FAM178B: variants seen among roughly 807,000 people sequenced by gnomAD.
FAM178B encodes the protein family with sequence similarity 178 member B.
A neutral mutation model predicts 91.7 loss-of-function variants in FAM178B; 82 were observed. The observed-to-expected ratio is 0.89, with a 90% CI of 0.75 to 1.07. The LOEUF is 1.07. Ranked by LOEUF, FAM178B falls within the 50% of genes least tolerant of loss-of-function variation. FAM178B has a pLI of 0.00. For missense variants in FAM178B, 769 were observed against 846.7 expected, an observed-to-expected ratio of 0.91 and a Z score of 1.14; for synonymous variants, 368 against 359.4, an observed-to-expected ratio of 1.02 and a Z score of -0.27.
At chr2:96,927,537 C>T (rs1445892276) in intron 9 of FAM178B, among the ~76,000 whole-genome samples, 1 of 152,216 alleles carries the variant, frequency 6.6e-6, no homozygotes, top group African/African-American at 2.4e-5. Flanking sequence ...TGCTTTCCTC[C>T]CACACAAGGC....
At chr2:96,889,362 C>G (rs915724897) in intron 14 of FAM178B, among the ~76,000 whole-genome samples, 2 of 152,058 alleles carry the variant, frequency 1.3e-5, no homozygotes, top group Admixed American at 1.3e-4. Flanking sequence ...AGGGGAAAAA[C>G]AGAATTAAAA....
rs372100382 is a variant in FAM178B, at chr2:96,903,241, A to G, written c.1563-534T>C. ...TTTTTAGTAGAGACAGGGTTTCACC[A>G]TGTTAGCCAGGATAGTCTCGATCTC... On this transcript the variant is annotated intron_variant, in intron 12 of 16. Coordinates refer to ENST00000490605, the MANE Select transcript of FAM178B (RefSeq NM_001122646.3). Among the ~76,000 whole-genome samples the G allele has an allele frequency of 4.3e-4, 66 of 152,218 alleles. 4 individuals are homozygous for G. In the South Asian group the frequency reaches 0.013, roughly 30 times the overall value.
intron 13 of FAM178B, among the ~76,000 whole-genome samples, chr2:96,900,122 G>A (rs1470173571): frequency 6.6e-6 from 1 of 151,910 alleles, no homozygotes; most frequent in Non-Finnish European, 1.5e-5. Context: ...TCTCTCTCTG[G>A]CCACCTGTGT....
chr2:96,963,380 G>A (rs942680771), intron 5 of FAM178B, among the ~76,000 whole-genome samples: 2 of 152,224 alleles, frequency 1.3e-5, no homozygotes, highest in Non-Finnish European at 2.9e-5. Flanking sequence ...AAGTGCTCTT[G>A]CCGAGGAAGG....
rs1430883827 is a variant in FAM178B at position 96,922,915 on chromosome 2, C to T, written c.1287+575G>A. The stretch of plus-strand genomic sequence containing the variant: ...TCTCGAACTCCTGACCTCAGGTGAT[C>T]CACCCGCCTCAGCCTCCCAAAGTGC... On this transcript the variant is annotated intron_variant, in intron 10 of 16. Transcript: ENST00000490605. Among the ~76,000 whole-genome samples the T allele has an allele frequency of 6.6e-5, 10 of 151,848 alleles. No homozygotes were observed. The East Asian group carries it at 1.6e-3, about 24-fold the overall frequency.
intron 12 of FAM178B, among the ~76,000 whole-genome samples, chr2:96,914,617 T>G (rs2081211969): frequency 6.6e-6 from 1 of 152,228 alleles, no homozygotes; most frequent in African/African-American, 2.4e-5. Context: ...GGCTGGGCAC[T>G]GTGGCTCATG....
chr2:96,937,375 T>C (rs1208004097), intron 8 of FAM178B, among the ~76,000 whole-genome samples: 1 of 152,136 alleles, frequency 6.6e-6, no homozygotes, highest in Non-Finnish European at 1.5e-5. Context: ...GGGAAAGCTG[T>C]GGCCCTGGCT....
At chr2:96,885,309 C>G (rs1336325930) in intron 14 of FAM178B, among the ~76,000 whole-genome samples, 1 of 152,270 alleles carries the variant, frequency 6.6e-6, no homozygotes, top group East Asian at 1.9e-4. Context: ...CCAGCACGTG[C>G]CCACACCCTC....
chr2:96,878,069 G>T (rs1433145493), intron 15 of FAM178B, 27 bp from the exon 16 acceptor site: 1 of 1,602,586 alleles, frequency 6.2e-7, no homozygotes, highest in East Asian at 2.2e-5. Flanking sequence ...AGGCCAAGAA[G>T]CGGGTGTAGC....
At chr2:96,942,559 AT>A (rs1036103366) in intron 8 of FAM178B, among the ~76,000 whole-genome samples, 3 of 151,084 alleles carry the variant, frequency 2.0e-5, no homozygotes, top group African/African-American at 7.3e-5. Flanking sequence ...TGCCCGGCTA[AT>A]TTTTTTTTGT....
intron 8 of FAM178B, among the ~76,000 whole-genome samples, chr2:96,943,963 C>T (rs552528972): frequency 6.6e-6 from 1 of 152,140 alleles, no homozygotes; most frequent in Non-Finnish European, 1.5e-5. Flanking sequence ...TATATCCCAG[C>T]TGGGCGCGGT....
chr2:96,971,233 TCTC>T (rs2082212772), intron 3 of FAM178B, among the ~76,000 whole-genome samples: 1 of 102,658 alleles, frequency 9.7e-6, no homozygotes. Flanking sequence ...CCCATTGCCC[TCTC>T]CTCCTCTCCT....
chr2:96,877,641 C>A, intron 16 of FAM178B: 1 of 484,708 alleles, frequency 2.1e-6, no homozygotes, highest in South Asian at 2.6e-5. Context: ...GTGATCCGCC[C>A]GCCTCAGTCT....
chr2:96,915,907 C>T (rs189701674), intron 12 of FAM178B, among the ~76,000 whole-genome samples: 2 of 152,278 alleles, frequency 1.3e-5, no homozygotes, highest in African/African-American at 4.8e-5. Flanking sequence ...CTTTCTTTTC[C>T]CCTAAACAGA....
At chr2:96,933,653 G>C (rs962088690) in intron 8 of FAM178B, among the ~76,000 whole-genome samples, 1 of 152,174 alleles carries the variant, frequency 6.6e-6, no homozygotes, top group African/African-American at 2.4e-5. Context: ...GGGTCTGCAG[G>C]CTCCATTCTT....
In FAM178B at chr2:96,960,898, T is replaced by C. The variant is rs542656794; in HGVS notation, c.735-458A>G. Reference sequence around the variant, plus strand: ...GCGGCCAGTGTCGGGGACGGCATCCTGGGAGGGGCAGGAAGGCTGGCAAGC... The same window carrying C: ...GCGGCCAGTGTCGGGGACGGCATCCCGGGAGGGGCAGGAAGGCTGGCAAGC... On this transcript the variant is annotated intron_variant, in intron 5 of 16. Coordinates refer to ENST00000490605, the MANE Select transcript of FAM178B (RefSeq NM_001122646.3). Among the ~76,000 whole-genome samples the C allele has an allele frequency of 2.0e-5, 3 of 151,822 alleles. No homozygotes were observed. The East Asian group carries it at 5.9e-4, about 30-fold the overall frequency.
intron 12 of FAM178B, among the ~76,000 whole-genome samples, chr2:96,905,837 TATATATATATATATATATA>T (rs2081029529): frequency 3.5e-5 from 1 of 28,226 alleles, no homozygotes; most frequent in African/African-American, 9.3e-5. Context: ...TATATATATA[TATATATATATATATATATA>T]TATATTTTTT....
intron 12 of FAM178B, among the ~76,000 whole-genome samples, chr2:96,909,142 C>CAAA (rs368745154): frequency 2.6e-5 from 2 of 77,402 alleles, no homozygotes; most frequent in South Asian, 5.0e-4. Flanking sequence ...GACTCTGTCT[C>CAAA]AAAAAAAAAA....
At chr2:96,984,589 A>G (rs1322954324) in intron 1 of FAM178B, among the ~76,000 whole-genome samples, 1 of 152,090 alleles carries the variant, frequency 6.6e-6, no homozygotes, top group Non-Finnish European at 1.5e-5. Context: ...TGGGCAGCTG[A>G]CTCTAGCTGC....
Sources: gnomAD v4.1 joint callset for allele counts (sites outside exome capture counted in the v4.1 genomes callset) on GRCh38, gnomAD v4.1.1 for gene constraint, MANE v1.5 for transcripts, NCBI Gene and HGNC (gene_info 2026-07-23, HGNC 2026-07-21) for gene names.